The following SLC9A4 variants were observed in gnomAD, a reference collection of about 807,000 sequenced individuals.
The protein encoded by SLC9A4 is sodium/hydrogen exchanger 4.
In SLC9A4, 63 loss-of-function variants were observed where a neutral mutation model predicts 67.4. That is an observed-to-expected ratio of 0.93 (90% CI 0.76 to 1.15). The LOEUF (loss-of-function observed/expected upper bound fraction) is 1.15. Among genes scored for constraint, SLC9A4 ranks in the 50% most tolerant of loss-of-function variants. The pLI is 0.00. For missense variants in SLC9A4, 1,089 were observed against 987.7 expected (o/e 1.10, Z -1.38); for synonymous variants, 393 against 367.2 (o/e 1.07, Z -0.80).
chr2:102,486,927 C>T (rs563359112), intron 2 of SLC9A4, among the ~76,000 whole-genome samples: 11 of 152,278 alleles, frequency 7.2e-5, no homozygotes, highest in African/African-American at 1.9e-4. Flanking sequence ...GCAGAAAGGG[C>T]CATGCAGCCT....
chr2:102,515,729 A>T (rs959610658), intron 8 of SLC9A4, among the ~76,000 whole-genome samples: 2 of 152,162 alleles, frequency 1.3e-5, no homozygotes, highest in Middle Eastern at 3.4e-3. Flanking sequence ...GACTTACCTT[A>T]GTTACTGAGT....
At position 102,524,928 on chromosome 2, in the gene SLC9A4, T is replaced by TCTC. The variant is rs1573357099; in HGVS notation, c.1819-93_1819-91dup. On this transcript the variant is annotated intron_variant, in intron 9 of 11. Coordinates refer to ENST00000295269, the MANE Select transcript of SLC9A4 (RefSeq NM_001011552.4). ...GCTGACCTCCAAGGTGCTCACCTGT[T>TCTC]CTCCTGGTCTTAGGTTCCTGATGTT... 3 of 1,470,006 alleles carry TCTC rather than the reference T, an allele frequency of 2.0e-6. No homozygotes were observed. In the East Asian group the frequency reaches 6.9e-5, roughly 34 times the overall value. 91.1% of individuals were successfully genotyped at this position (1,470,006 alleles called of 1,614,324 possible). A position where few individuals can be genotyped will look rare whatever the true frequency, so the allele number is the denominator to read the frequency against.
chr2:102,526,531 T>C (rs1414818352), intron 11 of SLC9A4, among the ~76,000 whole-genome samples, 185 bp downstream of exon 11: 1 of 152,244 alleles, frequency 6.6e-6, no homozygotes, highest in Non-Finnish European at 1.5e-5. Flanking sequence ...GAAATTTGAA[T>C]TTCGTATAAT....
chr2:102,526,360 C>A lies in SLC9A4; in HGVS notation c.2038+14C>A. 1 of 1,612,124 alleles carries A rather than the reference C, an allele frequency of 6.2e-7. No homozygotes were observed. The highest frequency in any genetic ancestry group is 8.5e-7 in the Non-Finnish European group (1 of 1,178,486). ...CTGGGTTCTCAGGTAAGCTGCCCACCTGGCTGCTCTGCTGCTTTTCTGTAG... is the reference window on the plus strand; with the variant it reads ...CTGGGTTCTCAGGTAAGCTGCCCACATGGCTGCTCTGCTGCTTTTCTGTAG... On this transcript the variant is annotated intron_variant, in intron 11 of 11. Coordinates refer to ENST00000295269, the MANE Select transcript of SLC9A4 (RefSeq NM_001011552.4).
chr2:102,504,213 C>T lies in SLC9A4; in HGVS notation c.980+506C>T, dbSNP rs530646232. 1.1e-4 allele frequency among the ~76,000 whole-genome samples: 17 copies of T among 152,200 alleles called. No homozygotes were observed. In the South Asian group the frequency reaches 2.1e-3, roughly 19 times the overall value. On this transcript the variant is annotated intron_variant, in intron 3 of 11. Transcript: ENST00000295269. The stretch of plus-strand genomic sequence containing the variant: ...GACTACAGGTACTGGCCACCACGCC[C>T]GGCTAATTTTTTGTATTTTTAGTGG...
At chr2:102,486,826 T>C (rs1356161882) in intron 2 of SLC9A4, among the ~76,000 whole-genome samples, 7 of 152,184 alleles carry the variant, frequency 4.6e-5, no homozygotes, top group African/African-American at 1.7e-4. Flanking sequence ...GCCCTTCCTG[T>C]GTGCCAGAGA....
chr2:102,483,291 C>T (rs1684505987), intron 2 of SLC9A4, among the ~76,000 whole-genome samples: 1 of 152,142 alleles, frequency 6.6e-6, no homozygotes, highest in Non-Finnish European at 1.5e-5. Flanking sequence ...ACCAGAGAAG[C>T]CCCAGGGCCA....
Position 102,510,231 on chromosome 2 carries a change from G to GGATACAGATACAGATACA in SLC9A4, c.1488+1327_1488+1344dup, listed in dbSNP as rs1553413618. Among the ~76,000 whole-genome samples, 716 of 137,052 alleles carry GGATACAGATACAGATACA rather than the reference G, an allele frequency of 5.2e-3. 7 individuals carry two copies. Among genetic ancestry groups the GGATACAGATACAGATACA allele is most frequent in the Admixed American group, 9.4e-3 (124 of 13,190 alleles). 89.9% of individuals were successfully genotyped at this position (137,052 alleles called of 152,430 possible). A position where few individuals can be genotyped will look rare whatever the true frequency, so the allele number is the denominator to read the frequency against. On this transcript the variant is annotated intron_variant, in intron 6 of 11. Coordinates refer to ENST00000295269, the MANE Select transcript of SLC9A4 (RefSeq NM_001011552.4). ...TAGATATAGATACAGATACGGATAC[G>GGATACAGATACAGATACA]GATACAGATACAGATACAGATACAG...
intron 2 of SLC9A4, among the ~76,000 whole-genome samples, chr2:102,483,835 TATATATAC>T (rs1684524884): frequency 2.6e-5 from 2 of 75,892 alleles, no homozygotes; most frequent in Non-Finnish European, 5.5e-5. Flanking sequence ...TATATATATA[TATATATAC>T]ACACACACAA....
At position 102,479,081 on chromosome 2, in the gene SLC9A4, C is replaced by T. The variant is rs375687518; in HGVS notation, c.499C>T (p.Leu167=). 3.4e-5 allele frequency: 55 copies of T among 1,614,100 alleles called. No individual in the cohort carries two copies. Among genetic ancestry groups the T allele is most frequent in the Non-Finnish European group, 3.5e-5 (41 of 1,180,044 alleles). ...CCTGTGGTGGGCAGTATTGGGGGCCCTGATCAACGCCTTGGGCATTGGCCT... is the reference window on the plus strand; with the variant it reads ...CCTGTGGTGGGCAGTATTGGGGGCCTTGATCAACGCCTTGGGCATTGGCCT... ...SILWWAVLGA[L]INALGIGLSL... The change falls in exon 2 of 12, where the codon CTG becomes TTG. Residue 167 remains leucine (L), a synonymous_variant. Coordinates refer to ENST00000295269, the MANE Select transcript of SLC9A4 (RefSeq NM_001011552.4).
At chr2:102,519,711 C>T (rs550949353) in intron 8 of SLC9A4, 148 bp from the exon 9 acceptor site, 3 of 582,536 alleles carry the variant, frequency 5.1e-6, no homozygotes, top group African/African-American at 3.8e-5. Flanking sequence ...GACATCAAAC[C>T]AACTTACTAG....
At chr2:102,514,517 G>A (rs1002214985) in intron 8 of SLC9A4, among the ~76,000 whole-genome samples, 6 of 152,154 alleles carry the variant, frequency 3.9e-5, no homozygotes, top group Non-Finnish European at 5.9e-5. Context: ...AAGGGCAAGC[G>A]AATGTGTAGA....
At chr2:102,505,887 A>T (rs934388190) in intron 4 of SLC9A4, 11 of 177,628 alleles carry the variant, frequency 6.2e-5, no homozygotes, top group Middle Eastern at 2.5e-3. Flanking sequence ...CTTAAATCAG[A>T]TATGGATTAT....
intron 2 of SLC9A4, among the ~76,000 whole-genome samples, chr2:102,481,224 A>C (rs893017186): frequency 1.3e-5 from 2 of 152,196 alleles, no homozygotes; most frequent in Non-Finnish European, 2.9e-5. Context: ...CCTGGAACAC[A>C]GTCGTCAAGA....
chr2:102,508,496 C>T (rs1220619368), intron 5 of SLC9A4, among the ~76,000 whole-genome samples: 1 of 152,132 alleles, frequency 6.6e-6, no homozygotes, highest in Admixed American at 6.5e-5. Flanking sequence ...TCAAAAGATT[C>T]CTGAGTAACA....
rs114729384 is a variant in SLC9A4 at position 102,503,804 on chromosome 2, C to T, written c.980+97C>T. On this transcript the variant is annotated intron_variant, in intron 3 of 11. Transcript: ENST00000295269. ...CATCTGGGAAAGACATAACCAATGA[C>T]GCTAACCCTCCAACATGTTGCAGAT... 2,205 of 1,455,874 alleles carry T rather than the reference C, an allele frequency of 1.5e-3. 25 individuals are homozygous for T. The African/African-American group carries it at 0.028, about 19-fold the overall frequency. The allele number at this position is 1,455,874 out of a possible 1,614,324, so 90.2% of individuals were successfully genotyped here. A position where few individuals can be genotyped will look rare whatever the true frequency, so the allele number is the denominator to read the frequency against.
At chr2:102,483,841 T>TATATAC (rs370126753) in intron 2 of SLC9A4, among the ~76,000 whole-genome samples, 3 of 126,794 alleles carry the variant, frequency 2.4e-5, no homozygotes, top group South Asian at 2.6e-4. Flanking sequence ...TATATATATA[T>TATATAC]ACACACACAC....
At chr2:102,483,913 TTATA>T (rs1314396433) in intron 2 of SLC9A4, among the ~76,000 whole-genome samples, 1 of 145,148 alleles carries the variant, frequency 6.9e-6, no homozygotes, top group Non-Finnish European at 1.5e-5. Flanking sequence ...TCATATATAT[TTATA>T]TATTAACATA....
intron 2 of SLC9A4, among the ~76,000 whole-genome samples, chr2:102,496,434 G>A (rs1684812081): frequency 6.6e-6 from 1 of 152,166 alleles, no homozygotes; most frequent in Admixed American, 6.5e-5. Context: ...GCAGTAGATA[G>A]GGTTTGTCCA....
Sources: gnomAD v4.1 joint callset for allele counts (sites outside exome capture counted in the v4.1 genomes callset) on GRCh38, gnomAD v4.1.1 for gene constraint, MANE v1.5 for transcripts, NCBI Gene and HGNC (gene_info 2026-07-23, HGNC 2026-07-21) for gene names.